Variants in XPO7 observed in about 807,000 individuals in gnomAD.
XPO7 encodes the protein exportin-7.
Under a neutral mutation model 144.3 loss-of-function variants are expected in XPO7, and 21 were observed. The observed-to-expected ratio is 0.15, with a 90% CI of 0.10 to 0.21. XPO7 has a LOEUF of 0.21. Ranked by LOEUF, XPO7 falls within the 10% of genes least tolerant of loss-of-function variation. The probability of loss-of-function intolerance (pLI) is 1.00; values close to 1 mark genes in which losing one functional copy is unlikely to be tolerated. For synonymous variants in XPO7, 580 were observed against 499.6 expected, an observed-to-expected ratio of 1.16 and a Z score of -2.15; for missense variants, 808 against 1,325.8, an observed-to-expected ratio of 0.61 and a Z score of 6.06.
At chr8:21,998,975 G>A in intron 22 of XPO7, 116 bp from the exon 23 acceptor site, 2 of 1,456,446 alleles carry the variant, frequency 1.4e-6, no homozygotes, top group South Asian at 1.2e-5. Flanking sequence ...ATGTGCATTA[G>A]AGTGCCACCT....
intron 24 of XPO7, among the ~76,000 whole-genome samples, chr8:22,001,706 T>G (rs1452556137): frequency 6.6e-6 from 1 of 151,748 alleles, no homozygotes; most frequent in East Asian, 1.9e-4. Context: ...ACATAACCTC[T>G]CCTAATTCTG....
chr8:21,919,737 AGG>A lies in XPO7; in HGVS notation c.-28_-27del. On this transcript the variant is annotated 5_prime_UTR_variant, in exon 1 of 28. Coordinates refer to ENST00000252512, the MANE Select transcript of XPO7 (RefSeq NM_015024.5). ...CCGGCCGAGGTGCGCGCTGGGGGGG[AGG>A]GGGGGCCGGAGAGGAGCATGAATGG... The A allele has an allele frequency of 3.9e-6, 1 of 258,898 alleles. No individual in the cohort carries two copies. Among genetic ancestry groups the A allele is most frequent in the African/African-American group, 2.4e-5 (1 of 41,264 alleles). 16.0% of individuals were successfully genotyped at this position (258,898 alleles called of 1,614,324 possible). A position where few individuals can be genotyped will look rare whatever the true frequency, so the allele number is the denominator to read the frequency against.
chr8:21,987,326 G>A (rs773891557), intron 14 of XPO7, 50 bp downstream of exon 14: 2 of 1,609,400 alleles, frequency 1.2e-6, no homozygotes, highest in Admixed American at 1.7e-5. Context: ...TCACTTGTGG[G>A]ATTGCTGATG....
At chr8:21,992,178 AT>A (rs371848922) in intron 19 of XPO7, among the ~76,000 whole-genome samples, 17 of 151,140 alleles carry the variant, frequency 1.1e-4, no homozygotes, top group African/African-American at 3.4e-4. Flanking sequence ...AGTTCTTAGG[AT>A]TTTTTTTTGT....
At chr8:21,999,759 T>C (rs1276140640) in intron 24 of XPO7, 85 bp downstream of exon 24, 1 of 1,533,490 alleles carries the variant, frequency 6.5e-7, no homozygotes, top group Non-Finnish European at 8.9e-7. Flanking sequence ...TGCCCCAGTG[T>C]CCAAAAAGAT....
At chr8:21,952,404 G>T (rs1012693571) in intron 1 of XPO7, among the ~76,000 whole-genome samples, 13 of 151,956 alleles carry the variant, frequency 8.6e-5, no homozygotes, top group African/African-American at 3.1e-4. Context: ...ATTGTATTCA[G>T]AATTTTGAAA....
At chr8:21,995,297 A>G (rs1812909565) in intron 20 of XPO7, among the ~76,000 whole-genome samples, 195 bp from the exon 21 acceptor site, 1 of 152,196 alleles carries the variant, frequency 6.6e-6, no homozygotes, top group Non-Finnish European at 1.5e-5. Context: ...GTATTATGAG[A>G]TGCCTTTCAC....
At chr8:21,932,916 C>A (rs911020780) in intron 1 of XPO7, among the ~76,000 whole-genome samples, 12 of 151,960 alleles carry the variant, frequency 7.9e-5, no homozygotes, top group African/African-American at 2.9e-4. Context: ...TCACATTGAC[C>A]TCTGTTTAAT....
chr8:21,931,748 G>T (rs1380858573), intron 1 of XPO7, among the ~76,000 whole-genome samples: 2 of 152,108 alleles, frequency 1.3e-5, no homozygotes, highest in East Asian at 3.8e-4. Flanking sequence ...GGTCTGTTTT[G>T]TCTCTCCATC....
chr8:21,974,378 CA>C (rs1164949276), intron 5 of XPO7, among the ~76,000 whole-genome samples: 2 of 152,006 alleles, frequency 1.3e-5, no homozygotes, highest in Non-Finnish European at 2.9e-5. Context: ...CGTCTGCCAA[CA>C]ATTTAAGTTT....
Position 21,987,353 on chromosome 8 carries a change from G to C in XPO7, c.1713+77G>C, listed in dbSNP as rs142481748. The C allele has an allele frequency of 1.3e-3, 2,134 of 1,584,340 alleles. 26 individuals are homozygous for C. In the African/African-American group the frequency reaches 0.026, roughly 19 times the overall value. On this transcript the variant is annotated intron_variant, in intron 14 of 27. Transcript: ENST00000252512. The stretch of plus-strand genomic sequence containing the variant: ...TTGCTGATGGAGGGAAACAGTTGCT[G>C]ATAGTTCACATAACCTCCAGATTTC...
chr8:21,965,758 A>G (rs568038231), intron 1 of XPO7, among the ~76,000 whole-genome samples: 3 of 152,344 alleles, frequency 2.0e-5, no homozygotes, highest in Admixed American at 2.0e-4. Flanking sequence ...GACACAGTGT[A>G]ATGAAATAAA....
rs545260885 is a variant in XPO7, at chr8:21,936,393, C to T, written c.18+16605C>T. 7.2e-5 allele frequency among the ~76,000 whole-genome samples: 11 copies of T among 152,246 alleles called. No individual in the cohort carries two copies. In the South Asian group the frequency reaches 2.1e-3, roughly 29 times the overall value. On this transcript the variant is annotated intron_variant, in intron 1 of 27. Coordinates refer to ENST00000252512, the MANE Select transcript of XPO7 (RefSeq NM_015024.5). ...CATAGTCTGCAGTCTTGCCCAGTAT[C>T]CATGTCACTAGATTTCTGCCCTGTG...
chr8:21,989,791 T>C, intron 16 of XPO7, among the ~76,000 whole-genome samples: 1 of 149,430 alleles, frequency 6.7e-6, no homozygotes, highest in African/African-American at 2.4e-5. Context: ...TTCTATTTTC[T>C]TACAAATAGG....
intron 24 of XPO7, 149 bp from the exon 25 acceptor site, chr8:22,001,963 T>G: frequency 9.4e-5 from 74 of 791,130 alleles, no homozygotes; most frequent in Non-Finnish European, 1.3e-4. Flanking sequence ...TACTGTACAA[T>G]GAGGTTAAGA....
intron 1 of XPO7, among the ~76,000 whole-genome samples, chr8:21,934,474 G>A (rs1055446729): frequency 1.5e-4 from 23 of 152,044 alleles, no homozygotes; most frequent in East Asian, 5.8e-4. Context: ...CAGAGGTTAC[G>A]GTGAGCCGAG....
At chr8:21,966,181 T>A in intron 1 of XPO7, 1 of 694,992 alleles carries the variant, frequency 1.4e-6, no homozygotes, top group Non-Finnish European at 2.7e-6. Context: ...CCTTGTCTTA[T>A]CTGTGAGTGA....
At chr8:21,928,728 C>A (rs1391525253) in intron 1 of XPO7, among the ~76,000 whole-genome samples, 1 of 152,122 alleles carries the variant, frequency 6.6e-6, no homozygotes, top group Non-Finnish European at 1.5e-5. Context: ...TGGCCTGCAC[C>A]CTGAGAATAG....
chr8:22,004,849 G>C (rs942876195), intron 27 of XPO7, 146 bp from the exon 28 acceptor site: 22 of 531,264 alleles, frequency 4.1e-5, no homozygotes, highest in Non-Finnish European at 6.6e-5. Flanking sequence ...TTCTCTTAGA[G>C]TCTTAAGACT....
Sources: gnomAD v4.1 joint callset for allele counts (sites outside exome capture counted in the v4.1 genomes callset) on GRCh38, gnomAD v4.1.1 for gene constraint, MANE v1.5 for transcripts, NCBI Gene and HGNC (gene_info 2026-07-23, HGNC 2026-07-21) for gene names.